The following ADGRA1 variants were observed in gnomAD, a reference collection of about 807,000 sequenced individuals.
ADGRA1 encodes G-protein coupled receptor 123.
ADGRA1 carries 12 observed loss-of-function variants against 21.3 expected under a neutral mutation model. The observed-to-expected ratio is 0.56, with a 90% confidence interval of 0.36 to 0.91. The LOEUF (loss-of-function observed/expected upper bound fraction) is 0.91. Among genes scored for constraint, ADGRA1 ranks in the 40% least tolerant of loss-of-function variants. The probability of loss-of-function intolerance (pLI) is 0.01; values close to 1 mark genes in which losing one functional copy is unlikely to be tolerated. For synonymous variants in ADGRA1, 385 were observed against 368.8 expected (o/e 1.04, Z -0.50); for missense variants, 790 against 805.6 (o/e 0.98, Z 0.23).
intron 4 of ADGRA1, among the ~76,000 whole-genome samples, chr10:133,100,982 C>T (rs1851782133): frequency 6.6e-6 from 1 of 152,228 alleles, no homozygotes; most frequent in African/African-American, 2.4e-5. Flanking sequence ...GTTCTCCGAG[C>T]TCCCCGATGA....
At position 133,102,557 on chromosome 10, in the gene ADGRA1, G is replaced by A. The variant is rs540329782; in HGVS notation, c.256-140G>A. ...TGTGAGTTCTGGGCGGCTGTGGGGCGGCCGCTGCCTGCCCTGGGATACAGA... is the reference window on the plus strand; with the variant it reads ...TGTGAGTTCTGGGCGGCTGTGGGGCAGCCGCTGCCTGCCCTGGGATACAGA... On this transcript the variant is annotated intron_variant, in intron 4 of 6. Transcript: ENST00000392607. 58 of 965,504 alleles carry A rather than the reference G, an allele frequency of 6.0e-5. No homozygotes were observed. In the Middle Eastern group the frequency reaches 9.1e-4, roughly 15 times the overall value. The allele number at this position is 965,504 out of a possible 1,614,324, so 59.8% of individuals were successfully genotyped here.
At chr10:133,088,964 G>T in intron 2 of ADGRA1, 52 bp downstream of exon 2, 1 of 1,235,986 alleles carries the variant, frequency 8.1e-7, no homozygotes, top group Non-Finnish European at 1.0e-6. Context: ...GCCGCTGCGG[G>T]GGGGCGGCCA....
chr10:133,106,588 G>C (rs528640991), intron 5 of ADGRA1, among the ~76,000 whole-genome samples: 2 of 152,260 alleles, frequency 1.3e-5, no homozygotes, highest in Non-Finnish European at 2.9e-5. Flanking sequence ...GCACAGCCTG[G>C]CCTCAGGGCG....
chr10:133,122,844 C>T (rs755954471), intron 5 of ADGRA1, among the ~76,000 whole-genome samples: 15 of 151,962 alleles, frequency 9.9e-5, no homozygotes, highest in South Asian at 2.1e-4. Context: ...CAGGCACACG[C>T]GTCCCCAGGC....
chr10:133,102,594 G>T, intron 4 of ADGRA1, 103 bp from the exon 5 acceptor site: 1 of 1,352,906 alleles, frequency 7.4e-7, no homozygotes. Context: ...GCTGCTGGCC[G>T]CCTGCCGTTC....
chr10:133,105,893 C>T (rs1039720093), intron 5 of ADGRA1, among the ~76,000 whole-genome samples: 2 of 152,222 alleles, frequency 1.3e-5, no homozygotes, highest in East Asian at 3.9e-4. Context: ...ATCCACCTCT[C>T]CCCTCAAGCA....
chr10:133,092,194 C>T (rs1242936428), intron 2 of ADGRA1, among the ~76,000 whole-genome samples: 3 of 152,320 alleles, frequency 2.0e-5, no homozygotes, highest in East Asian at 3.9e-4. Context: ...GTCGGTCGCG[C>T]GTACGAACAT....
intron 5 of ADGRA1, among the ~76,000 whole-genome samples, chr10:133,118,753 C>T (rs116207546): frequency 6.6e-6 from 1 of 152,162 alleles, no homozygotes; most frequent in African/African-American, 2.4e-5. Context: ...TGGGTGAGGA[C>T]ACAGAGCCAA....
At chr10:133,095,247 A>G (rs1162998767) in intron 2 of ADGRA1, among the ~76,000 whole-genome samples, 1 of 152,126 alleles carries the variant, frequency 6.6e-6, no homozygotes, top group Non-Finnish European at 1.5e-5. Context: ...GAGAATCTGG[A>G]CAGAGGCCCA....
chr10:133,123,771 G>A (rs1306456128), intron 5 of ADGRA1, among the ~76,000 whole-genome samples: 3 of 151,860 alleles, frequency 2.0e-5, no homozygotes, highest in Non-Finnish European at 4.4e-5. Flanking sequence ...TGGGCTTGGG[G>A]CCTCCTCCAC....
chr10:133,091,091 C>T (rs749267492), intron 2 of ADGRA1, among the ~76,000 whole-genome samples: 2 of 152,236 alleles, frequency 1.3e-5, no homozygotes, highest in Admixed American at 6.5e-5. Context: ...TCAGGACTTA[C>T]GTTCCAGCAG....
Position 133,088,867 on chromosome 10 carries a change from C to A in ADGRA1, c.-43C>A. 1 of 1,238,006 alleles carries A rather than the reference C, an allele frequency of 8.1e-7. No homozygotes were observed. 76.7% of individuals were successfully genotyped at this position (1,238,006 alleles called of 1,614,324 possible). A position where few individuals can be genotyped will look rare whatever the true frequency, so the allele number is the denominator to read the frequency against. Reference sequence around the variant, plus strand: ...CCACCTGATCGCCTCCCCCTGGACGCCTCCTCCAGCGGCGCTCACGCTTCC... The same window carrying A: ...CCACCTGATCGCCTCCCCCTGGACGACTCCTCCAGCGGCGCTCACGCTTCC... On this transcript the variant is annotated 5_prime_UTR_variant, in exon 2 of 7. Coordinates refer to ENST00000392607, the MANE Select transcript of ADGRA1 (RefSeq NM_001083909.3).
At chr10:133,089,578 T>C (rs1851563947) in intron 2 of ADGRA1, among the ~76,000 whole-genome samples, 1 of 152,206 alleles carries the variant, frequency 6.6e-6, no homozygotes, top group African/African-American at 2.4e-5. Flanking sequence ...ATGCATTGTG[T>C]GTGCTGGTAA....
chr10:133,106,969 G>C (rs1018443674), intron 5 of ADGRA1, among the ~76,000 whole-genome samples: 1 of 152,246 alleles, frequency 6.6e-6, no homozygotes, highest in African/African-American at 2.4e-5. Context: ...CTTCCAATTC[G>C]TGAGCACAGG....
Position 133,111,886 on chromosome 10 carries a change from A to G in ADGRA1, c.401+9044A>G, listed in dbSNP as rs11596946. On this transcript the variant is annotated intron_variant, in intron 5 of 6. Coordinates refer to ENST00000392607, the MANE Select transcript of ADGRA1 (RefSeq NM_001083909.3). ...CCTAATCCCTCCAGACCACCTGCCC[A>G]CCACAGACACCTCCCTCCTAATGCC... Among the ~76,000 whole-genome samples, 248 of 85,036 alleles carry G rather than the reference A, an allele frequency of 2.9e-3. 2 individuals carry two copies. The highest frequency in any genetic ancestry group is 6.0e-3 in the South Asian group (13 of 2,184). The allele number at this position is 85,036 out of a possible 152,430, so 55.8% of individuals were successfully genotyped here.
At chr10:133,111,984 C>T (rs1852035285) in intron 5 of ADGRA1, among the ~76,000 whole-genome samples, 1 of 104,064 alleles carries the variant, frequency 9.6e-6, no homozygotes, top group Admixed American at 9.8e-5. Flanking sequence ...CAGGCACCTC[C>T]CTCCTAATGC....
At chr10:133,101,006 C>G (rs529513254) in intron 4 of ADGRA1, among the ~76,000 whole-genome samples, 2 of 152,336 alleles carry the variant, frequency 1.3e-5, no homozygotes, top group East Asian at 1.9e-4. Context: ...GTCTGCTCCC[C>G]GTGCTCTGCG....
At chr10:133,088,654 C>A in intron 1 of ADGRA1, 54 bp from the exon 2 acceptor site, 3 of 1,135,542 alleles carry the variant, frequency 2.6e-6, no homozygotes, top group African/African-American at 1.6e-5. Context: ...GGGCTGCGAG[C>A]TGCCCTCCGC....
chr10:133,098,732 A>T lies in ADGRA1; in HGVS notation c.224A>T (p.Asn75Ile). Residue 75 changes from asparagine to isoleucine, a missense_variant, in exon 4 of 7, where the codon AAT becomes ATT. Asn to Ile is a moderately radical substitution (Grantham distance 149, BLOSUM62 -3). Transcript: ENST00000392607. ...TTCACTGTGTTCGCCGGCGGCATCA[A>T]TCGCACCAAGTACCCCATCCTGTGC... ...LTFTVFAGGI[N>I]RTKYPILCQA... 2 of 1,611,900 alleles carry T rather than the reference A, an allele frequency of 1.2e-6. No homozygotes were observed. Among genetic ancestry groups the T allele is most frequent in the South Asian group, 1.1e-5 (1 of 91,082 alleles).
Sources: gnomAD v4.1 joint callset for allele counts (sites outside exome capture counted in the v4.1 genomes callset) on GRCh38, gnomAD v4.1.1 for gene constraint, MANE v1.5 for transcripts, NCBI Gene and HGNC (gene_info 2026-07-23, HGNC 2026-07-21) for gene names.